NUDCD1: variants seen among roughly 807,000 people sequenced by gnomAD.
The protein encoded by NUDCD1 is nudC domain-containing protein 1.
A neutral mutation model predicts 67.8 loss-of-function variants in NUDCD1; 60 were observed. The observed-to-expected ratio is 0.88, with a 90% CI of 0.72 to 1.10. The LOEUF is 1.10. Ranked by LOEUF, NUDCD1 falls within the 50% of genes least tolerant of loss-of-function variation. The pLI is 0.00. For missense variants in NUDCD1, 643 were observed against 695.0 expected, an observed-to-expected ratio of 0.93 and a Z score of 0.84; for synonymous variants, 244 against 230.8, an observed-to-expected ratio of 1.06 and a Z score of -0.52.
intron 8 of NUDCD1, among the ~76,000 whole-genome samples, chr8:109,253,027 T>C (rs573060669): frequency 3.3e-5 from 5 of 152,332 alleles, no homozygotes; most frequent in South Asian, 2.1e-4. Flanking sequence ...CCAACCCATG[T>C]ACTATAGGAA....
intron 5 of NUDCD1, among the ~76,000 whole-genome samples, chr8:109,287,115 T>C (rs1814592686): frequency 6.6e-6 from 1 of 152,064 alleles, no homozygotes; most frequent in African/African-American, 2.4e-5. Flanking sequence ...AGAATGGCTA[T>C]TAATAAAAAG....
intron 8 of NUDCD1, among the ~76,000 whole-genome samples, chr8:109,263,713 T>G (rs1008102056): frequency 9.2e-5 from 14 of 152,064 alleles, no homozygotes; most frequent in African/African-American, 3.1e-4. Context: ...AGAACCCTAT[T>G]GGGTTGGGGA....
chr8:109,261,406 AAACTC>A (rs1405504514), intron 8 of NUDCD1, among the ~76,000 whole-genome samples: 2 of 152,198 alleles, frequency 1.3e-5, no homozygotes, highest in Non-Finnish European at 2.9e-5. Flanking sequence ...AAAACGAATG[AAACTC>A]AACTATACAT....
intron 1 of NUDCD1, among the ~76,000 whole-genome samples, chr8:109,325,024 A>G (rs1347825022): frequency 2.0e-5 from 3 of 152,208 alleles, no homozygotes; most frequent in Non-Finnish European, 2.9e-5. Context: ...CAGGAGGCAG[A>G]GGTTGCAGTG....
chr8:109,297,180 T>C (rs1363533933), intron 2 of NUDCD1, among the ~76,000 whole-genome samples: 5 of 152,228 alleles, frequency 3.3e-5, no homozygotes, highest in African/African-American at 7.2e-5. Flanking sequence ...TTCATTCTCT[T>C]AATTTTAGAG....
chr8:109,256,227 A>G (rs1813734511), intron 8 of NUDCD1, among the ~76,000 whole-genome samples: 1 of 152,136 alleles, frequency 6.6e-6, no homozygotes, highest in African/African-American at 2.4e-5. Context: ...AACCCAGAAA[A>G]CTGAACTAGG....
At chr8:109,311,869 CACAA>C (rs1465940052) in intron 2 of NUDCD1, among the ~76,000 whole-genome samples, 1 of 151,968 alleles carries the variant, frequency 6.6e-6, no homozygotes, top group Non-Finnish European at 1.5e-5. Flanking sequence ...ACCAAAATCT[CACAA>C]ATCACCGTTA....
chr8:109,313,816 G>A (rs1445902000), intron 2 of NUDCD1: 2 of 1,058,114 alleles, frequency 1.9e-6, no homozygotes, highest in Non-Finnish European at 2.6e-6. Context: ...CATGACGGAG[G>A]TTGCTAGAAG....
chr8:109,320,313 G>T (rs572578790), intron 2 of NUDCD1, among the ~76,000 whole-genome samples: 2 of 152,114 alleles, frequency 1.3e-5, no homozygotes, highest in Non-Finnish European at 2.9e-5. Context: ...TGCCCAGGGG[G>T]GCCAGTTCAG....
chr8:109,285,993 C>G (rs1256851999), intron 5 of NUDCD1, among the ~76,000 whole-genome samples: 1 of 151,902 alleles, frequency 6.6e-6, no homozygotes, highest in East Asian at 1.9e-4. Context: ...AGCATTTCTA[C>G]AAACCAATAA....
intron 2 of NUDCD1, among the ~76,000 whole-genome samples, chr8:109,305,807 AC>A (rs1815089118): frequency 6.6e-6 from 1 of 151,462 alleles, no homozygotes; most frequent in African/African-American, 2.4e-5. Context: ...CGTCTGCAGG[AC>A]CCCCGCATTA....
chr8:109,332,121 A>G (rs1174895169), intron 1 of NUDCD1, among the ~76,000 whole-genome samples: 4 of 152,232 alleles, frequency 2.6e-5, no homozygotes, highest in African/African-American at 9.7e-5. Context: ...AAAGAAAAAC[A>G]TCACTGTTTT....
intron 1 of NUDCD1, among the ~76,000 whole-genome samples, chr8:109,324,126 A>T (rs1283738359): frequency 6.6e-6 from 1 of 152,116 alleles, no homozygotes; most frequent in Non-Finnish European, 1.5e-5. Flanking sequence ...CCTAGTGAAG[A>T]GACAACCTAT....
At chr8:109,271,823 A>G (rs1000292040) in intron 7 of NUDCD1, among the ~76,000 whole-genome samples, 1 of 152,192 alleles carries the variant, frequency 6.6e-6, no homozygotes, top group South Asian at 2.1e-4. Flanking sequence ...AGGAACAAAG[A>G]TGTAAAAGAC....
intron 1 of NUDCD1, 131 bp from the exon 2 acceptor site, chr8:109,322,594 A>T: frequency 1.7e-6 from 1 of 588,186 alleles, no homozygotes; most frequent in Non-Finnish European, 3.0e-6. Flanking sequence ...ACAATTCAGT[A>T]TATCATTCTT....
At position 109,243,116 on chromosome 8, in the gene NUDCD1, T is replaced by G; in HGVS notation, c.1645A>C (p.Ser549Arg). 1 of 1,613,864 alleles carries G rather than the reference T, an allele frequency of 6.2e-7. No homozygotes were observed. The highest frequency in any genetic ancestry group is 8.5e-7 in the Non-Finnish European group (1 of 1,179,784). The part of the protein sequence containing the change: ...VGQVAKQQVA[S>R]LETNDPILGF... ...AAAATAGGATCATTGGTTTCTAGGC[T>G]TGCTACTTGCTGCTTAGCAACCTGT... The change falls in exon 10 of 10, where the codon AGC becomes CGC. Residue 549 changes from serine (S) to arginine (R), a missense_variant. Ser to Arg is a moderately radical substitution (Grantham distance 110). Coordinates refer to ENST00000239690, the MANE Select transcript of NUDCD1 (RefSeq NM_032869.4).
rs569124182 is a variant in NUDCD1 at position 109,296,487 on chromosome 8, A to G, written c.356T>C (p.Ile119Thr). Residue 119 changes from isoleucine to threonine, a missense_variant, in exon 3 of 10, where the codon ATC becomes ACC. Transcript: ENST00000239690. ...TACDNRLCAS[I>T]HFSSSTWVTL... ...AACCCAGGTAGAAGATGAGAAATGGATAGATGCACAAAGACGGTTGTCACA... is the reference window on the plus strand; with the variant it reads ...AACCCAGGTAGAAGATGAGAAATGGGTAGATGCACAAAGACGGTTGTCACA... 6.2e-7 allele frequency: 1 copy of G among 1,613,458 alleles called. No homozygotes were observed. Among genetic ancestry groups the G allele is most frequent in the African/African-American group, 1.3e-5 (1 of 75,032 alleles).
chr8:109,298,351 T>C (rs1463815565), intron 2 of NUDCD1, among the ~76,000 whole-genome samples: 1 of 152,150 alleles, frequency 6.6e-6, no homozygotes, highest in Admixed American at 6.5e-5. Flanking sequence ...AAGATAAATT[T>C]TACTGTAGGT....
At chr8:109,247,068 C>G (rs569563928) in intron 8 of NUDCD1, among the ~76,000 whole-genome samples, 1 of 152,280 alleles carries the variant, frequency 6.6e-6, no homozygotes, top group East Asian at 1.9e-4. Flanking sequence ...ACAGAGACCA[C>G]AGACTATTTC....
Sources: allele counts gnomAD v4.1 joint callset (sites outside exome capture counted in the v4.1 genomes callset), GRCh38; gene constraint gnomAD v4.1.1; transcripts MANE v1.5; gene names NCBI Gene and HGNC (gene_info 2026-07-23, HGNC 2026-07-21).